ELFN2: variants seen among roughly 807,000 people sequenced by gnomAD.
ELFN2 encodes extracellular leucine rich repeat and fibronectin type III domain containing 2.
In ELFN2, 17 loss-of-function variants were observed where a neutral mutation model predicts 45.5. The ratio of observed to expected loss-of-function variants is 0.37; its 90% CI spans 0.26 to 0.56. The LOEUF is 0.56. Ranked by LOEUF, ELFN2 falls within the 20% of genes least tolerant of loss-of-function variation. ELFN2 has a pLI of 0.77. For synonymous variants in ELFN2, 550 were observed against 551.5 expected, an observed-to-expected ratio of 1.00 and a Z score of 0.04; for missense variants, 922 against 1,183.2, an observed-to-expected ratio of 0.78 and a Z score of 3.24.
chr22:37,387,678 C>T (rs1356512940), intron 2 of ELFN2, among the ~76,000 whole-genome samples: 28 of 152,128 alleles, frequency 1.8e-4, no homozygotes, highest in African/African-American at 6.3e-4. Flanking sequence ...TTTGCTTTCC[C>T]GCGACCTCCC....
chr22:37,354,468 A>T (rs1400609684), intron 1 of ELFN2: 3 of 152,196 alleles, frequency 2.0e-5, no homozygotes, highest in East Asian at 3.9e-4. Flanking sequence ...ACCCCACATG[A>T]CTTAGGTATG....
rs546406494 is a variant in ELFN2 at position 37,351,661 on chromosome 22, G to A, written n.149-8958C>T. Among the ~76,000 whole-genome samples, 43 of 150,054 alleles carry A rather than the reference G, an allele frequency of 2.9e-4. 1 individual carries two copies. The highest frequency in any genetic ancestry group is 9.0e-4 in the African/African-American group (37 of 41,314). Reference sequence around the variant, plus strand: ...CACTGGGCTGGGACTCGAGACCTGCGTGCTGGCCAGGCCCCCTTTCAAGGC... The same window carrying A: ...CACTGGGCTGGGACTCGAGACCTGCATGCTGGCCAGGCCCCCTTTCAAGGC... On this transcript the variant is annotated intron_variant and non_coding_transcript_variant, in intron 1 of 2. Coordinates refer to ENST00000452946, the Ensembl canonical transcript of ELFN2.
At chr22:37,352,630 A>G (rs1930850298) in intron 1 of ELFN2, among the ~76,000 whole-genome samples, 1 of 150,396 alleles carries the variant, frequency 6.6e-6, no homozygotes, top group African/African-American at 2.4e-5. Context: ...GGGTATATAT[A>G]CCATTCTAGA....
intron 1 of ELFN2, among the ~76,000 whole-genome samples, chr22:37,358,677 G>T (rs996029107): frequency 6.6e-6 from 1 of 152,232 alleles, no homozygotes; most frequent in African/African-American, 2.4e-5. Context: ...AGGTCCAGAG[G>T]CATGAGTCGG....
rs5845334 is a variant in ELFN2, at chr22:37,346,984, A to ATT, written n.149-4283_149-4282dup. 2.6e-3 allele frequency among the ~76,000 whole-genome samples: 393 copies of ATT among 149,488 alleles called. 3 individuals carry two copies. The highest frequency in any genetic ancestry group is 9.0e-3 in the African/African-American group (368 of 40,750). On this transcript the variant is annotated intron_variant and non_coding_transcript_variant, in intron 1 of 2. Transcript: ENST00000452946. Reference sequence around the variant, plus strand: ...TTGGAATAACCCCATCTTCATTATTATTTTTTTTTTTGAGATGGAGTTTTA... The same window carrying ATT: ...TTGGAATAACCCCATCTTCATTATTATTTTTTTTTTTTTGAGATGGAGTTTTA...
intron 1 of ELFN2, among the ~76,000 whole-genome samples, chr22:37,425,550 G>A (rs971475564): frequency 4.6e-5 from 7 of 151,532 alleles, no homozygotes; most frequent in East Asian, 3.9e-4. Flanking sequence ...AGCAACCTCC[G>A]ACAAAACTGT....
intron 1 of ELFN2, among the ~76,000 whole-genome samples, chr22:37,355,625 A>G (rs1930930524): frequency 6.6e-6 from 1 of 152,144 alleles, no homozygotes; most frequent in Non-Finnish European, 1.5e-5. Flanking sequence ...AAGTGTTGCC[A>G]GGAGCCCCAG....
In ELFN2 at chr22:37,421,463, C is replaced by A. The variant is rs1245119122; in HGVS notation, c.-613-3544G>T. Reference sequence around the variant, plus strand: ...CCTGGCCTCCAGCCTGCAGCAGCAACCCCCTCTCGGTCAGGTCACAAAGGG... The same window carrying A: ...CCTGGCCTCCAGCCTGCAGCAGCAAACCCCTCTCGGTCAGGTCACAAAGGG... On this transcript the variant is annotated intron_variant, in intron 1 of 2. Coordinates refer to ENST00000402918, the MANE Select transcript of ELFN2 (RefSeq NM_052906.5). 4.6e-5 allele frequency among the ~76,000 whole-genome samples: 7 copies of A among 152,332 alleles called. No homozygotes were observed. In the East Asian group the frequency reaches 9.7e-4, roughly 21 times the overall value.
At position 37,375,145 on chromosome 22, in the gene ELFN2, C is replaced by A. The variant is rs564413921; in HGVS notation, c.390G>T (p.Gln130His). The change falls in exon 3 of 3, where the codon CAG becomes CAT. Residue 130 changes from glutamine (Q) to histidine (H), a missense_variant. Gln to His is a conservative substitution (Grantham distance 24). Coordinates refer to ENST00000402918, the MANE Select transcript of ELFN2 (RefSeq NM_052906.5). Reference protein sequence around the residue: ...EGMLRGMSRLQFLFVQHNLIE... With the variant: ...EGMLRGMSRLHFLFVQHNLIE... ...TGAGGTTGTGCTGGACAAAGAGGAACTGCAGGCGGCTCATGCCTCGCAGCA... is the reference window on the plus strand; with the variant it reads ...TGAGGTTGTGCTGGACAAAGAGGAAATGCAGGCGGCTCATGCCTCGCAGCA... 2 of 1,613,954 alleles carry A rather than the reference C, an allele frequency of 1.2e-6. No individual in the cohort carries two copies. The highest frequency in any genetic ancestry group is 1.7e-6 in the Non-Finnish European group (2 of 1,180,010).
chr22:37,425,271 A>T (rs1231117887), intron 1 of ELFN2, among the ~76,000 whole-genome samples: 1 of 152,158 alleles, frequency 6.6e-6, no homozygotes, highest in African/African-American at 2.4e-5. Flanking sequence ...CCCACCTGGC[A>T]AAGGAGTTCA....
intron 1 of ELFN2, among the ~76,000 whole-genome samples, chr22:37,345,915 C>T (rs1453132376): frequency 1.3e-5 from 2 of 152,310 alleles, no homozygotes; most frequent in South Asian, 4.1e-4. Context: ...TGCTGTTTCC[C>T]TCTTTTCCCA....
intron 2 of ELFN2, among the ~76,000 whole-genome samples, chr22:37,406,598 C>A (rs1221720336): frequency 3.3e-5 from 5 of 152,224 alleles, no homozygotes; most frequent in African/African-American, 4.8e-5. Flanking sequence ...CCGTCCCCCG[C>A]TCTGCATCTG....
intron 2 of ELFN2, among the ~76,000 whole-genome samples, chr22:37,397,148 ACCACT>A (rs1029392865): frequency 2.6e-5 from 4 of 151,904 alleles, no homozygotes; most frequent in African/African-American, 9.7e-5. Flanking sequence ...GTCTGGCTTC[ACCACT>A]CCACTCCACA....
chr22:37,410,743 CGGA>C (rs926106431), intron 2 of ELFN2, among the ~76,000 whole-genome samples: 1 of 152,178 alleles, frequency 6.6e-6, no homozygotes, highest in African/African-American at 2.4e-5. Context: ...AACCGAGGAG[CGGA>C]GGATGATCGG....
intron 1 of ELFN2, among the ~76,000 whole-genome samples, chr22:37,419,959 C>G (rs1451219954): frequency 6.6e-6 from 1 of 152,166 alleles, no homozygotes; most frequent in African/African-American, 2.4e-5. Flanking sequence ...TCCCGGGCAC[C>G]GCGCAGAGCC....
intron 2 of ELFN2, among the ~76,000 whole-genome samples, chr22:37,386,523 TGG>T (rs1272637893): frequency 1.3e-5 from 2 of 152,182 alleles, no homozygotes; most frequent in East Asian, 3.8e-4. Context: ...GGACACCAGC[TGG>T]GGTGGCCCAA....
chr22:37,411,975 CAA>C (rs573213030), intron 2 of ELFN2, among the ~76,000 whole-genome samples: 4 of 150,090 alleles, frequency 2.7e-5, no homozygotes, highest in Admixed American at 1.3e-4. Flanking sequence ...CTGCCTCTTC[CAA>C]AAAAAAAGTC....
intron 2 of ELFN2, among the ~76,000 whole-genome samples, chr22:37,381,968 A>C (rs1931790684): frequency 7.0e-6 from 1 of 142,510 alleles, no homozygotes; most frequent in Admixed American, 6.8e-5. Flanking sequence ...AAAAAAAAAA[A>C]AAAAAAAAAA....
chr22:37,341,380 G>C (rs1240617758), intron 2 of ELFN2, among the ~76,000 whole-genome samples: 3 of 152,208 alleles, frequency 2.0e-5, no homozygotes, highest in Non-Finnish European at 4.4e-5. Flanking sequence ...AGCTGTGGAG[G>C]ACGGAGCTAG....
Sources: allele counts gnomAD v4.1 joint callset (sites outside exome capture counted in the v4.1 genomes callset), GRCh38; gene constraint gnomAD v4.1.1; transcripts MANE v1.5; gene names NCBI Gene and HGNC (gene_info 2026-07-23, HGNC 2026-07-21).